The following FILIP1L variants were observed in gnomAD, a reference collection of about 807,000 sequenced individuals.
FILIP1L encodes the protein filamin A interacting protein 1 like.
In FILIP1L, 55 loss-of-function variants were observed where a neutral mutation model predicts 96.6. The observed-to-expected ratio is 0.57, with a 90% confidence interval of 0.46 to 0.71. The LOEUF (loss-of-function observed/expected upper bound fraction) is 0.71, where lower values mean the gene tolerates loss of function less well. Among genes scored for constraint, FILIP1L ranks in the 30% least tolerant of loss-of-function variants. FILIP1L has a pLI of 0.00. For synonymous variants in FILIP1L, 467 were observed against 473.9 expected (o/e 0.99, Z 0.19); for missense variants, 1,304 against 1,321.2 (o/e 0.99, Z 0.20).
intron 1 of FILIP1L, among the ~76,000 whole-genome samples, chr3:100,096,633 G>A (rs2066213688): frequency 6.6e-6 from 1 of 151,896 alleles, no homozygotes; most frequent in South Asian, 2.1e-4. Flanking sequence ...TAGGGGGTGG[G>A]GAGGAGATGG....
At chr3:99,837,855 G>A (rs1942964184) in intron 5 of FILIP1L, among the ~76,000 whole-genome samples, 1 of 152,194 alleles carries the variant, frequency 6.6e-6, no homozygotes, top group Non-Finnish European at 1.5e-5. Flanking sequence ...CTAAGTTGGT[G>A]GTGCTTGTCT....
chr3:99,970,682 C>T (rs981718204), intron 1 of FILIP1L, among the ~76,000 whole-genome samples: 30 of 152,176 alleles, frequency 2.0e-4, no homozygotes, highest in African/African-American at 7.0e-4. Flanking sequence ...AATGACAAGA[C>T]ATTCTGTATA....
chr3:99,909,101 A>C (rs1706712380), intron 4 of FILIP1L, among the ~76,000 whole-genome samples: 1 of 152,238 alleles, frequency 6.6e-6, no homozygotes, highest in Non-Finnish European at 1.5e-5. Flanking sequence ...CAAATGTTCT[A>C]GTGCAGCATT....
intron 1 of FILIP1L, among the ~76,000 whole-genome samples, chr3:100,088,855 G>T (rs1394981602): frequency 1.3e-5 from 2 of 151,940 alleles, no homozygotes; most frequent in Non-Finnish European, 2.9e-5. Flanking sequence ...TATTTATTTA[G>T]TGAGCTTTTT....
intron 4 of FILIP1L, among the ~76,000 whole-genome samples, chr3:99,905,708 T>C (rs1282422447): frequency 2.0e-5 from 3 of 152,228 alleles, no homozygotes; most frequent in Non-Finnish European, 4.4e-5. Flanking sequence ...TGATATCCAC[T>C]TTCTTACTGA....
At chr3:99,906,347 G>A (rs1371627412) in intron 4 of FILIP1L, among the ~76,000 whole-genome samples, 1 of 152,000 alleles carries the variant, frequency 6.6e-6, no homozygotes, top group East Asian at 1.9e-4. Context: ...CTTCAAGTCT[G>A]TTTCTTTTAT....
chr3:99,847,089 C>A (rs1943397865), intron 5 of FILIP1L, among the ~76,000 whole-genome samples: 1 of 152,132 alleles, frequency 6.6e-6, no homozygotes, highest in Admixed American at 6.5e-5. Context: ...ATAATAATCA[C>A]AGAAGAAATT....
rs574353756 is a variant in FILIP1L at position 99,876,837 on chromosome 3, A to C, written c.606-25767T>G. Among the ~76,000 whole-genome samples the C allele has an allele frequency of 2.0e-5, 3 of 152,312 alleles. No individual in the cohort carries two copies. In the South Asian group the frequency reaches 6.2e-4, roughly 32 times the overall value. On this transcript the variant is annotated intron_variant, in intron 4 of 5. Transcript: ENST00000477258. ...TTTCTGCATGCCTGTGTTTTAACGA[A>C]AGCAGTTAAAACTATCATTTTTTGG...
chr3:100,039,779 A>T, intron 1 of FILIP1L: 1 of 139,728 alleles, frequency 7.2e-6, no homozygotes, highest in African/African-American at 2.7e-5. Context: ...TTTGAGATGG[A>T]GTCTTGTTCT....
intron 4 of FILIP1L, among the ~76,000 whole-genome samples, chr3:99,920,312 AT>A (rs1333719217): frequency 3.9e-5 from 6 of 152,242 alleles, no homozygotes; most frequent in Non-Finnish European, 4.4e-5. Context: ...AGAAAAAAAA[AT>A]ATGCAAGCTT....
intron 1 of FILIP1L, among the ~76,000 whole-genome samples, chr3:100,010,645 C>T (rs1710120202): frequency 2.7e-5 from 4 of 148,366 alleles, no homozygotes; most frequent in African/African-American, 9.9e-5. Context: ...GATGGAGTGT[C>T]CCTCTGTCAC....
chr3:99,988,472 A>C (rs1323140825), intron 1 of FILIP1L, among the ~76,000 whole-genome samples: 1 of 141,718 alleles, frequency 7.1e-6, no homozygotes, highest in Non-Finnish European at 1.5e-5. Context: ...AGATCATGCC[A>C]CTGCACTCCA....
intron 1 of FILIP1L, among the ~76,000 whole-genome samples, chr3:100,014,898 T>TTTTTTTTTTTTC (rs1710290970): frequency 9.1e-6 from 1 of 110,398 alleles, no homozygotes; most frequent in Non-Finnish European, 2.0e-5. Flanking sequence ...TTTCTTTCTT[T>TTTTTTTTTTTTC]TTTTTTTTTT....
chr3:99,971,768 C>T (rs1350428578), intron 1 of FILIP1L, among the ~76,000 whole-genome samples: 1 of 152,180 alleles, frequency 6.6e-6, no homozygotes, highest in African/African-American at 2.4e-5. Flanking sequence ...GGAGTCCTCT[C>T]CCTGCAACAC....
At chr3:100,086,422 A>G (rs944003682) in intron 1 of FILIP1L, among the ~76,000 whole-genome samples, 6 of 147,134 alleles carry the variant, frequency 4.1e-5, no homozygotes, top group South Asian at 4.2e-4. Flanking sequence ...ATAAAGGGGG[A>G]AAAAAAATCC....
chr3:100,082,819 T>A (rs970670772), intron 1 of FILIP1L, among the ~76,000 whole-genome samples: 1 of 152,224 alleles, frequency 6.6e-6, no homozygotes, highest in Non-Finnish European at 1.5e-5. Context: ...TAGACTTACC[T>A]TCGTTGACTT....
At chr3:99,892,250 C>G (rs1268396263) in intron 4 of FILIP1L, among the ~76,000 whole-genome samples, 1 of 152,162 alleles carries the variant, frequency 6.6e-6, no homozygotes, top group Non-Finnish European at 1.5e-5. Flanking sequence ...GTATGGAGAA[C>G]CATGTAATGT....
intron 1 of FILIP1L, among the ~76,000 whole-genome samples, chr3:100,048,585 A>G (rs2065315937): frequency 6.6e-6 from 1 of 152,146 alleles, no homozygotes; most frequent in African/African-American, 2.4e-5. Flanking sequence ...TGAGCATGGT[A>G]ATTGAGGTGC....
chr3:99,833,163 A>T, intron 5 of FILIP1L: 1 of 1,378,592 alleles, frequency 7.3e-7, no homozygotes, highest in Non-Finnish European at 1.0e-6. Context: ...ACGATTTTTT[A>T]ATAAATGCTT....
Sources: gnomAD v4.1 joint callset for allele counts (sites outside exome capture counted in the v4.1 genomes callset) on GRCh38, gnomAD v4.1.1 for gene constraint, MANE v1.5 for transcripts, NCBI Gene and HGNC (gene_info 2026-07-23, HGNC 2026-07-21) for gene names.